ANKRD31: variants seen among roughly 807,000 people sequenced by gnomAD.
ANKRD31 encodes the protein ankyrin repeat domain 31.
Under a neutral mutation model 186.0 loss-of-function variants are expected in ANKRD31, and 147 were observed. The observed-to-expected ratio is 0.79, with a 90% CI of 0.69 to 0.91. The LOEUF (loss-of-function observed/expected upper bound fraction) is 0.91. ANKRD31 is among the 40% of genes least tolerant of loss of function. The pLI, the probability that ANKRD31 is intolerant of heterozygous loss-of-function variation, is 0.00. For missense variants in ANKRD31, 1,986 were observed against 2,148.8 expected, an observed-to-expected ratio of 0.92 and a Z score of 1.50; for synonymous variants, 673 against 736.4, an observed-to-expected ratio of 0.91 and a Z score of 1.39.
chr5:75,181,588 C>T (rs375539351), intron 10 of ANKRD31, among the ~76,000 whole-genome samples: 6,757 of 151,864 alleles, frequency 0.044, 351 homozygotes, highest in African/African-American at 0.12. Flanking sequence ...TTTGTAGGGA[C>T]GCGGATGAAG....
chr5:75,100,590 T>C (rs1160195359), intron 22 of ANKRD31, among the ~76,000 whole-genome samples: 1 of 152,234 alleles, frequency 6.6e-6, no homozygotes, highest in Non-Finnish European at 1.5e-5. Context: ...GGACTTGCTT[T>C]ATGAATCTGG....
chr5:75,087,172 C>T (rs1299147859), intron 23 of ANKRD31, among the ~76,000 whole-genome samples: 1 of 152,160 alleles, frequency 6.6e-6, no homozygotes, highest in Non-Finnish European at 1.5e-5. Context: ...TCCCATTTTT[C>T]ATATATCTTC....
intron 3 of ANKRD31, among the ~76,000 whole-genome samples, chr5:75,216,177 T>C (rs1756946857): frequency 6.6e-6 from 1 of 152,210 alleles, no homozygotes; most frequent in African/African-American, 2.4e-5. Context: ...GCTAGTTTAC[T>C]ATCTGATGAT....
Position 75,146,091 on chromosome 5 carries a change from G to C in ANKRD31, c.3320C>G (p.Thr1107Ser), listed in dbSNP as rs1561474308. 6.5e-7 allele frequency: 1 copy of C among 1,535,336 alleles called. No individual in the cohort carries two copies. The highest frequency in any genetic ancestry group is 1.2e-5 in the South Asian group (1 of 83,930). ...GGAATGAGAATCTATATTGTGTATA[G>C]TCTCACTTTCTAGATGGTTTTGTCT... ...KRRQNHLESE[T>S]IHNIDSHSTD... The change falls in exon 14 of 26, where the codon ACT becomes AGT. Residue 1107 changes from threonine to serine, a missense_variant. Coordinates refer to ENST00000506364, the MANE Select transcript of ANKRD31 (RefSeq NM_001372053.1).
intron 10 of ANKRD31, among the ~76,000 whole-genome samples, chr5:75,188,243 C>T (rs1754869060): frequency 6.6e-6 from 1 of 152,120 alleles, no homozygotes; most frequent in Non-Finnish European, 1.5e-5. Context: ...CTTCTGGATG[C>T]CACTGCACAT....
At chr5:75,083,907 CA>C (rs1016224706) in intron 24 of ANKRD31, among the ~76,000 whole-genome samples, 18 of 152,054 alleles carry the variant, frequency 1.2e-4, no homozygotes, top group African/African-American at 4.1e-4. Flanking sequence ...AGAAGTCAGA[CA>C]AAAAGGGTCA....
chr5:75,122,194 C>T lies in ANKRD31; in HGVS notation c.3877-3897G>A, dbSNP rs192609412. The stretch of plus-strand genomic sequence containing the variant: ...ACCATACACTCACAAACTAGAAAAC[C>T]TAAAGGAAATGGATAAATTCCTGGA... On this transcript the variant is annotated intron_variant, in intron 17 of 25. Transcript: ENST00000506364. 1.5e-3 allele frequency among the ~76,000 whole-genome samples: 226 copies of T among 150,704 alleles called. 1 individual carries two copies. Among genetic ancestry groups the T allele is most frequent in the South Asian group, 9.1e-3 (43 of 4,700 alleles).
chr5:75,125,966 T>C (rs1438116414), intron 17 of ANKRD31, among the ~76,000 whole-genome samples: 1 of 152,188 alleles, frequency 6.6e-6, no homozygotes, highest in Admixed American at 6.5e-5. Flanking sequence ...CATTCTACCA[T>C]CACAAAAAAT....
rs1444540709 is a variant in ANKRD31 at position 75,236,588 on chromosome 5, C to G, written c.99G>C (p.Trp33Cys). Reference protein sequence around the residue: ...ESDLEEKELPWRRLLFDQDAS... With the variant: ...ESDLEEKELPCRRLLFDQDAS... ...GTGGCCCTAATGATGGTCACCTTCT[C>G]CAGGGCAGCTCCTTTTCTTCCAGGT... is the stretch of plus-strand genomic sequence containing the variant. Residue 33 changes from tryptophan to cysteine, a missense_variant, in exon 1 of 26, where the codon TGG becomes TGC. Transcript: ENST00000506364. 6.5e-7 allele frequency: 1 copy of G among 1,537,082 alleles called. No homozygotes were observed. The highest frequency in any genetic ancestry group is 1.4e-5 in the African/African-American group (1 of 73,144).
chr5:75,141,376 C>A (rs1202507350), intron 15 of ANKRD31, among the ~76,000 whole-genome samples: 3 of 151,850 alleles, frequency 2.0e-5, no homozygotes, highest in East Asian at 3.9e-4. Flanking sequence ...ATATGAGAGA[C>A]AGAGAATATA....
At chr5:75,188,119 T>G (rs551606510) in intron 10 of ANKRD31, among the ~76,000 whole-genome samples, 6 of 152,198 alleles carry the variant, frequency 3.9e-5, no homozygotes, top group African/African-American at 1.4e-4. Flanking sequence ...CATCATAAAT[T>G]TTCCCCTACA....
At chr5:75,163,832 G>C (rs767427510) in intron 11 of ANKRD31, among the ~76,000 whole-genome samples, 3 of 152,168 alleles carry the variant, frequency 2.0e-5, no homozygotes, top group Non-Finnish European at 4.4e-5. Flanking sequence ...CTAAATAAGT[G>C]ATGACTGTGA....
chr5:75,206,382 C>A, intron 5 of ANKRD31, 29 bp downstream of exon 5: 1 of 1,334,984 alleles, frequency 7.5e-7, no homozygotes, highest in South Asian at 1.8e-5. Flanking sequence ...GACTAATTTC[C>A]TTTATATGAC....
At chr5:75,112,045 T>C (rs1308696551) in intron 20 of ANKRD31, among the ~76,000 whole-genome samples, 1 of 152,182 alleles carries the variant, frequency 6.6e-6, no homozygotes, top group Non-Finnish European at 1.5e-5. Context: ...ATCACTGGTA[T>C]AGCTTATCTC....
chr5:75,217,611 G>A (rs1325372605), intron 3 of ANKRD31, among the ~76,000 whole-genome samples: 1 of 152,084 alleles, frequency 6.6e-6, no homozygotes, highest in Admixed American at 6.6e-5. Flanking sequence ...TTGCTTGGTG[G>A]ATTTTTCTCC....
chr5:75,097,990 G>C (rs376814231), intron 22 of ANKRD31, among the ~76,000 whole-genome samples: 5 of 151,992 alleles, frequency 3.3e-5, no homozygotes, highest in East Asian at 3.9e-4. Flanking sequence ...TTATTTCTGA[G>C]GGCTCTGTTG....
At chr5:75,234,580 A>G (rs933401064) in intron 1 of ANKRD31, among the ~76,000 whole-genome samples, 2 of 152,232 alleles carry the variant, frequency 1.3e-5, no homozygotes, top group African/African-American at 4.8e-5. Context: ...TGTCCCCTCA[A>G]ATATAAGCTT....
At chr5:75,166,226 T>C (rs932574664) in intron 11 of ANKRD31, among the ~76,000 whole-genome samples, 1 of 152,110 alleles carries the variant, frequency 6.6e-6, no homozygotes, top group Non-Finnish European at 1.5e-5. Context: ...TCCCAGCACT[T>C]TGGGAGGCCT....
chr5:75,170,298 C>G (rs1276860161), intron 10 of ANKRD31, among the ~76,000 whole-genome samples: 2 of 151,944 alleles, frequency 1.3e-5, no homozygotes, highest in Non-Finnish European at 2.9e-5. Flanking sequence ...CCTAGAGTAA[C>G]TATGAAAAAA....
Sources: allele counts gnomAD v4.1 joint callset (sites outside exome capture counted in the v4.1 genomes callset), GRCh38; gene constraint gnomAD v4.1.1; transcripts MANE v1.5; gene names NCBI Gene and HGNC (gene_info 2026-07-23, HGNC 2026-07-21).